The following SIK2 variants were observed in gnomAD, a reference collection of about 807,000 sequenced individuals.
SIK2 encodes the protein salt inducible kinase 2, also known as serine/threonine-protein kinase SIK2.
A neutral mutation model predicts 103.2 loss-of-function variants in SIK2; 29 were observed. That is an observed-to-expected ratio of 0.28 (90% confidence interval 0.21 to 0.38). The LOEUF is 0.38. Among genes scored for constraint, SIK2 ranks in the 10% least tolerant of loss-of-function variants. The probability of loss-of-function intolerance (pLI) is 1.00; values close to 1 mark genes in which losing one functional copy is unlikely to be tolerated. For synonymous variants in SIK2, 412 were observed against 446.1 expected, an observed-to-expected ratio of 0.92 and a Z score of 0.96; for missense variants, 879 against 1,171.0, an observed-to-expected ratio of 0.75 and a Z score of 3.64.
intron 9 of SIK2, among the ~76,000 whole-genome samples, chr11:111,714,091 A>G (rs1051420840): frequency 1.3e-5 from 2 of 152,230 alleles, no homozygotes; most frequent in African/African-American, 4.8e-5. Flanking sequence ...TGAGGATTGA[A>G]AGACGGGTAG....
intron 3 of SIK2, among the ~76,000 whole-genome samples, chr11:111,665,489 A>G (rs962528237): frequency 2.0e-5 from 3 of 152,078 alleles, no homozygotes; most frequent in African/African-American, 7.2e-5. Context: ...AGCCAGGGTG[A>G]CAGAGCAAGA....
At chr11:111,696,077 T>C (rs1027084770) in intron 4 of SIK2, among the ~76,000 whole-genome samples, 2 of 152,214 alleles carry the variant, frequency 1.3e-5, no homozygotes, top group Admixed American at 6.5e-5. Flanking sequence ...TGAGGCCTAG[T>C]TGATTTTCAT....
intron 10 of SIK2, 66 bp from the exon 11 acceptor site, chr11:111,720,412 T>C: frequency 3.4e-6 from 5 of 1,476,260 alleles, no homozygotes; most frequent in Non-Finnish European, 4.6e-6. Context: ...CTGGTTATGC[T>C]TTGTACCCTA....
chr11:111,612,953 A>C (rs1483523522), intron 1 of SIK2, among the ~76,000 whole-genome samples: 13 of 96,046 alleles, frequency 1.4e-4, no homozygotes, highest in Non-Finnish European at 2.8e-4. Context: ...TATATTTATG[A>C]TCATAGGATC....
intron 3 of SIK2, among the ~76,000 whole-genome samples, chr11:111,649,294 C>A (rs1942298149): frequency 6.6e-6 from 1 of 152,050 alleles, no homozygotes; most frequent in African/African-American, 2.4e-5. Context: ...TAGTTGGTGA[C>A]CACTGTGTCC....
Position 111,729,226 on chromosome 11 carries a change from C to T in SIK2, c.*5097C>T, listed in dbSNP as rs1180181899. ...CCCCACCTTGTGTCCACATCTTCTC[C>T]AGGCAGGTTTCAACCTATCAGCAGA... On this transcript the variant is annotated 3_prime_UTR_variant, in exon 15 of 15. Coordinates refer to ENST00000304987, the MANE Select transcript of SIK2 (RefSeq NM_015191.3). The T allele has an allele frequency of 6.6e-6, 1 of 152,266 alleles. No individual in the cohort carries two copies. The highest frequency in any genetic ancestry group is 1.5e-5 in the Non-Finnish European group (1 of 68,096). 9.4% of individuals were successfully genotyped at this position (152,266 alleles called of 1,614,324 possible).
rs760961801 is a variant in SIK2 at position 111,688,045 on chromosome 11, C to A, written c.361C>A (p.Arg121=). The change falls in exon 4 of 15, where the codon CGA becomes AGA. Residue 121 remains arginine (R), a synonymous_variant. Coordinates refer to ENST00000304987, the MANE Select transcript of SIK2 (RefSeq NM_015191.3). The surrounding 1 kb of genome is among the most constrained non-coding windows in gnomAD (Gnocchi z 4.2). ...HGRLNESEAR[R]KFWQILSAVD... is the part of the protein sequence containing the mutation. ...CCGGTTAAATGAGTCTGAAGCCAGG[C>A]GAAAATTCTGGCAAATCCTGTCTGC... The A allele has an allele frequency of 1.3e-4, 206 of 1,614,020 alleles. No individual in the cohort carries two copies. The highest frequency in any genetic ancestry group is 1.7e-4 in the Non-Finnish European group (200 of 1,180,026).
chr11:111,656,463 C>CT (rs1191831980), intron 3 of SIK2, among the ~76,000 whole-genome samples: 20 of 152,228 alleles, frequency 1.3e-4, no homozygotes, highest in South Asian at 6.2e-4. Flanking sequence ...ATTCAAGCTA[C>CT]TTTTTTTACC....
chr11:111,710,566 C>T (rs1027952853), intron 8 of SIK2, among the ~76,000 whole-genome samples: 3 of 152,144 alleles, frequency 2.0e-5, no homozygotes, highest in African/African-American at 7.2e-5. Flanking sequence ...TATTTGAGAA[C>T]GAGACTGCAT....
chr11:111,645,172 A>G (rs1244998746), intron 3 of SIK2, among the ~76,000 whole-genome samples: 1 of 152,258 alleles, frequency 6.6e-6, no homozygotes, highest in Non-Finnish European at 1.5e-5. Flanking sequence ...CTGGTGACAT[A>G]TAAATTATTA....
In SIK2 at chr11:111,723,512, CTCTT is replaced by C; in HGVS notation, c.2169_2172del (p.Leu724ArgfsTer15). 6.2e-7 allele frequency: 1 copy of C among 1,602,906 alleles called. No individual in the cohort carries two copies. ...CCAATTTAGGCTCCAGCAGAAGCGACTCTTTCTTCAGAAGCAGTCTCAACTGCAG... is the reference window on the plus strand; with the variant it reads ...CCAATTTAGGCTCCAGCAGAAGCGACTCTTCAGAAGCAGTCTCAACTGCAG... On this transcript the variant is annotated frameshift_variant, in exon 15 of 15. Coordinates refer to ENST00000304987, the MANE Select transcript of SIK2 (RefSeq NM_015191.3). LOFTEE classifies it high-confidence loss of function.
At chr11:111,635,476 G>GC in intron 3 of SIK2, among the ~76,000 whole-genome samples, 1 of 69,136 alleles carries the variant, frequency 1.4e-5, no homozygotes, top group Non-Finnish European at 3.8e-5. Flanking sequence ...AGTAAGGAGG[G>GC]AGAGAGGGCG....
At chr11:111,654,276 G>A (rs1942363794) in intron 3 of SIK2, among the ~76,000 whole-genome samples, 1 of 152,188 alleles carries the variant, frequency 6.6e-6, no homozygotes, top group Admixed American at 6.5e-5. Context: ...CCGGCTGTCA[G>A]AGTTAGAGTA....
intron 3 of SIK2, among the ~76,000 whole-genome samples, chr11:111,659,099 GA>G (rs1321944933): frequency 3.9e-5 from 6 of 152,198 alleles, no homozygotes; most frequent in Admixed American, 3.9e-4. Flanking sequence ...GTGTGATACT[GA>G]TTACATGATC....
intron 3 of SIK2, among the ~76,000 whole-genome samples, chr11:111,674,914 T>C (rs1942682938): frequency 6.6e-6 from 1 of 152,214 alleles, no homozygotes; most frequent in Non-Finnish European, 1.5e-5. Context: ...ACCCAGCTAA[T>C]GTTTGTATTT....
At chr11:111,658,313 C>G (rs1942421788) in intron 3 of SIK2, among the ~76,000 whole-genome samples, 1 of 151,946 alleles carries the variant, frequency 6.6e-6, no homozygotes, top group African/African-American at 2.4e-5. Context: ...TTAGTAGAGA[C>G]AGGGTTTCAC....
rs755280325 is a variant in SIK2, at chr11:111,723,846, G to A, written c.2498G>A (p.Arg833Gln). Reference sequence around the variant, plus strand: ...CCGCCACCACCCCCTCCACCACCACGACAGCCAGGAGCTGCCCCAGCCCCC... The same window carrying A: ...CCGCCACCACCCCCTCCACCACCACAACAGCCAGGAGCTGCCCCAGCCCCC... ...PPPPPPPPPPRQPGAAPAPLQ... is the reference protein window; with the variant it reads ...PPPPPPPPPPQQPGAAPAPLQ... Residue 833 changes from arginine (R) to glutamine (Q), a missense_variant, in exon 15 of 15, where the codon CGA (arginine) becomes CAA (glutamine). Transcript: ENST00000304987. 6.2e-5 allele frequency: 74 copies of A among 1,201,380 alleles called. No individual in the cohort carries two copies. The highest frequency in any genetic ancestry group is 2.2e-4 in the Middle Eastern group (1 of 4,488). 74.4% of individuals were successfully genotyped at this position (1,201,380 alleles called of 1,614,324 possible). A position where few individuals can be genotyped will look rare whatever the true frequency, so the allele number is the denominator to read the frequency against.
chr11:111,725,842 A>G lies in SIK2; in HGVS notation c.*1713A>G, dbSNP rs1943948295. The G allele has an allele frequency of 6.6e-6, 1 of 152,492 alleles. No individual in the cohort carries two copies. The highest frequency in any genetic ancestry group is 2.1e-4 in the South Asian group (1 of 4,826). The allele number at this position is 152,492 out of a possible 1,614,324, so 9.4% of individuals were successfully genotyped here. On this transcript the variant is annotated 3_prime_UTR_variant, in exon 15 of 15. Coordinates refer to ENST00000304987, the MANE Select transcript of SIK2 (RefSeq NM_015191.3). Reference sequence around the variant, plus strand: ...GACTGCCTGGTCGCCAGCGCTCACCATGGGTGCCAGGATGCTTCGCAGAGG... The same window carrying G: ...GACTGCCTGGTCGCCAGCGCTCACCGTGGGTGCCAGGATGCTTCGCAGAGG...
chr11:111,672,781 T>C (rs995042572), intron 3 of SIK2, among the ~76,000 whole-genome samples: 1 of 152,194 alleles, frequency 6.6e-6, no homozygotes, highest in East Asian at 1.9e-4. Context: ...TGTTTTAACT[T>C]TGGTAGGTCC....
Sources: gnomAD v4.1 joint callset for allele counts (sites outside exome capture counted in the v4.1 genomes callset) on GRCh38, gnomAD v4.1.1 for gene constraint, Gnocchi (gnomAD v3.1) non-coding constraint, MANE v1.5 for transcripts, NCBI Gene and HGNC (gene_info 2026-07-23, HGNC 2026-07-21) for gene names.